Variants in ARL15 observed in about 807,000 individuals in gnomAD.
ARL15 encodes the protein ADP-ribosylation factor-like protein 15.
In ARL15, 19 loss-of-function variants were observed where a neutral mutation model predicts 25.2. The ratio of observed to expected loss-of-function variants is 0.75; its 90% confidence interval spans 0.53 to 1.10. The LOEUF (loss-of-function observed/expected upper bound fraction) is 1.10. Ranked by LOEUF, ARL15 falls within the 50% of genes least tolerant of loss-of-function variation. ARL15 has a pLI of 0.00. For synonymous variants in ARL15, 94 were observed against 86.8 expected (o/e 1.08, Z -0.46); for missense variants, 220 against 246.0 (o/e 0.89, Z 0.71).
intron 4 of ARL15, among the ~76,000 whole-genome samples, chr5:54,069,754 T>C (rs1402161123): frequency 1.3e-5 from 2 of 151,292 alleles, no homozygotes; most frequent in Non-Finnish European, 2.9e-5. Flanking sequence ...TTCAAGCAAT[T>C]CTCCTGCCTC....
intron 4 of ARL15, among the ~76,000 whole-genome samples, chr5:53,990,952 A>G (rs1748469796): frequency 6.6e-6 from 1 of 152,154 alleles, no homozygotes; most frequent in Non-Finnish European, 1.5e-5. Flanking sequence ...TAACAAAGAA[A>G]CACTATTTTT....
chr5:54,152,471 C>T (rs193109181), intron 3 of ARL15, among the ~76,000 whole-genome samples: 33 of 152,124 alleles, frequency 2.2e-4, no homozygotes, highest in Admixed American at 9.2e-4. Flanking sequence ...AGTGCTTGCC[C>T]CCGAGCATGT....
At chr5:54,002,061 T>C (rs1748865508) in intron 4 of ARL15, among the ~76,000 whole-genome samples, 1 of 152,168 alleles carries the variant, frequency 6.6e-6, no homozygotes, top group Non-Finnish European at 1.5e-5. Flanking sequence ...CGCTAAAAAA[T>C]CACTTATATG....
At chr5:54,164,133 G>A (rs1489963714) in intron 2 of ARL15, among the ~76,000 whole-genome samples, 5 of 151,776 alleles carry the variant, frequency 3.3e-5, no homozygotes, top group South Asian at 4.2e-4. Flanking sequence ...TCTTTGATTC[G>A]TGGGTCATTT....
At position 53,885,531 on chromosome 5, in the gene ARL15, T is replaced by C. The variant is rs950275071; in HGVS notation, c.*1030A>G. 2.0e-5 allele frequency: 3 copies of C among 152,600 alleles called. No individual in the cohort carries two copies. Among genetic ancestry groups the C allele is most frequent in the Admixed American group, 6.5e-5 (1 of 15,268 alleles). The allele number at this position is 152,600 out of a possible 1,614,324, so 9.5% of individuals were successfully genotyped here. On this transcript the variant is annotated 3_prime_UTR_variant, in exon 5 of 5. Transcript: ENST00000504924. ...TATAATAGAAATACTGATAAACCTT[T>C]AACTACTAGAGGAAGGCATTAACAG...
intron 1 of ARL15, among the ~76,000 whole-genome samples, chr5:54,242,995 T>C (rs1448236800): frequency 6.6e-6 from 1 of 152,188 alleles, no homozygotes; most frequent in African/African-American, 2.4e-5. Context: ...CATAAAAATG[T>C]GATTGCCTGT....
rs1245816264 is a variant in ARL15, at chr5:54,256,051, G to GA, written c.48+54380dup. Among the ~76,000 whole-genome samples, 72 of 136,484 alleles carry GA rather than the reference G, an allele frequency of 5.3e-4. No homozygotes were observed. The South Asian group carries it at 7.6e-3, about 14-fold the overall frequency. The allele number at this position is 136,484 out of a possible 152,430, so 89.5% of individuals were successfully genotyped here. On this transcript the variant is annotated intron_variant, in intron 1 of 4. Transcript: ENST00000504924. ...ACACCAAACCCAAAGCTAGCAGAAG[G>GA]AAAAAAAAAAATAACAAAGATCAGA...
At chr5:54,243,835 T>C (rs779251430) in intron 1 of ARL15, among the ~76,000 whole-genome samples, 7 of 152,210 alleles carry the variant, frequency 4.6e-5, no homozygotes, top group Non-Finnish European at 1.0e-4. Flanking sequence ...GTCACAGACA[T>C]TTAAGATCTA....
In ARL15 at chr5:54,057,845, C is replaced by T. The variant is rs114747862; in HGVS notation, c.462+55357G>A. On this transcript the variant is annotated intron_variant, in intron 4 of 4. Transcript: ENST00000504924. The stretch of plus-strand genomic sequence containing the variant: ...CTCCAGACTGGGCAACAGAGTGAGA[C>T]TCTGACCCTGCCTAATGAATAAAGT... 7.1e-3 allele frequency among the ~76,000 whole-genome samples: 1,087 copies of T among 152,194 alleles called. 12 individuals are homozygous for T. Among genetic ancestry groups the T allele is most frequent in the African/African-American group, 0.025 (1,044 of 41,532 alleles).
At chr5:54,010,814 A>C (rs1749212924) in intron 4 of ARL15, among the ~76,000 whole-genome samples, 1 of 152,050 alleles carries the variant, frequency 6.6e-6, no homozygotes, top group African/African-American at 2.4e-5. Context: ...GATGGAGAAC[A>C]CGGTGAAACC....
intron 4 of ARL15, among the ~76,000 whole-genome samples, chr5:54,037,147 C>G (rs1383831937): frequency 6.6e-6 from 1 of 151,742 alleles, no homozygotes; most frequent in Admixed American, 6.6e-5. Context: ...TTTTTTAAAT[C>G]CCCACAATAT....
chr5:53,967,702 T>C (rs1412545269), intron 4 of ARL15, among the ~76,000 whole-genome samples: 1 of 152,088 alleles, frequency 6.6e-6, no homozygotes, highest in African/African-American at 2.4e-5. Context: ...CATCTGCATG[T>C]GAGTGAGGCT....
At chr5:54,084,248 C>T (rs1214411595) in intron 4 of ARL15, among the ~76,000 whole-genome samples, 1 of 152,118 alleles carries the variant, frequency 6.6e-6, no homozygotes, top group African/African-American at 2.4e-5. Context: ...GAAGGCCTTT[C>T]AGGACACCGT....
At chr5:54,301,338 A>T (rs1403537540) in intron 1 of ARL15, among the ~76,000 whole-genome samples, 1 of 152,158 alleles carries the variant, frequency 6.6e-6, no homozygotes, top group Non-Finnish European at 1.5e-5. Flanking sequence ...ACACACAATG[A>T]TACTATATAT....
chr5:54,154,103 C>T (rs1366348810), intron 3 of ARL15, among the ~76,000 whole-genome samples: 3 of 152,144 alleles, frequency 2.0e-5, no homozygotes, highest in African/African-American at 7.2e-5. Flanking sequence ...GTTTGGGGTA[C>T]AGCCTATCCG....
At chr5:53,905,980 C>A (rs2111958523) in intron 4 of ARL15, among the ~76,000 whole-genome samples, 1 of 152,216 alleles carries the variant, frequency 6.6e-6, no homozygotes, top group East Asian at 1.9e-4. Context: ...CTAGTCACAG[C>A]ATCTAATCTT....
chr5:54,003,662 T>TCCA (rs1561184569), intron 4 of ARL15, among the ~76,000 whole-genome samples: 2,386 of 138,426 alleles, frequency 0.017, 33 homozygotes, highest in South Asian at 0.029. Flanking sequence ...AATATTTTCT[T>TCCA]TCTATCTATC....
At chr5:54,110,004 T>A (rs539294501) in intron 4 of ARL15, among the ~76,000 whole-genome samples, 1 of 152,090 alleles carries the variant, frequency 6.6e-6, no homozygotes, top group African/African-American at 2.4e-5. Flanking sequence ...AATCTTAAAA[T>A]TCTGGTAAGT....
At chr5:54,184,615 CAAA>C (rs5867920) in intron 1 of ARL15, among the ~76,000 whole-genome samples, 2,603 of 121,604 alleles carry the variant, frequency 0.021, 70 homozygotes, top group African/African-American at 0.069. Flanking sequence ...AGGCTTATAA[CAAA>C]AAAAAAAAAA....
Sources: allele counts gnomAD v4.1 joint callset (sites outside exome capture counted in the v4.1 genomes callset), GRCh38; gene constraint gnomAD v4.1.1; transcripts MANE v1.5; gene names NCBI Gene and HGNC (gene_info 2026-07-23, HGNC 2026-07-21).